The following ASTN2 variants were observed in gnomAD, a reference collection of about 807,000 sequenced individuals.
The protein encoded by ASTN2 is astrotactin 2.
In ASTN2, 54 loss-of-function variants were observed where a neutral mutation model predicts 139.8. The ratio of observed to expected loss-of-function variants is 0.39; its 90% CI spans 0.31 to 0.48. ASTN2 has a LOEUF of 0.48. Ranked by LOEUF, ASTN2 falls within the 20% of genes least tolerant of loss-of-function variation. ASTN2 has a pLI of 0.95. For missense variants in ASTN2, 1,565 were observed against 1,725.1 expected, an observed-to-expected ratio of 0.91 and a Z score of 1.64; for synonymous variants, 756 against 719.5, an observed-to-expected ratio of 1.05 and a Z score of -0.81.
intron 2 of ASTN2, among the ~76,000 whole-genome samples, chr9:117,271,772 T>C (rs1834071264): frequency 6.6e-6 from 1 of 152,228 alleles, no homozygotes; most frequent in Non-Finnish European, 1.5e-5. Context: ...CTCTTTTGAC[T>C]CCAGATCTCA....
intron 10 of ASTN2, among the ~76,000 whole-genome samples, chr9:116,942,667 C>T (rs779047764): frequency 1.5e-4 from 23 of 152,216 alleles, no homozygotes; most frequent in Non-Finnish European, 2.8e-4. Context: ...GAGGGCTTCC[C>T]TGAGCAGGTG....
chr9:116,686,554 G>T, intron 16 of ASTN2: 1 of 812,530 alleles, frequency 1.2e-6, no homozygotes. Context: ...GTCGTGGCCA[G>T]CCAGTCCTGT....
At chr9:116,491,572 T>C (rs1331821146) in intron 19 of ASTN2, among the ~76,000 whole-genome samples, 1 of 152,208 alleles carries the variant, frequency 6.6e-6, no homozygotes, top group Non-Finnish European at 1.5e-5. Flanking sequence ...GGAAGGGTTG[T>C]TAAATACAAG....
At chr9:117,091,412 A>G (rs1429746800) in intron 5 of ASTN2, among the ~76,000 whole-genome samples, 1 of 152,182 alleles carries the variant, frequency 6.6e-6, no homozygotes, top group African/African-American at 2.4e-5. Flanking sequence ...GGACACAAAT[A>G]GTACTCAGGG....
intron 22 of ASTN2, among the ~76,000 whole-genome samples, chr9:116,427,552 C>T (rs1263865560): frequency 6.6e-6 from 1 of 152,238 alleles, no homozygotes; most frequent in Non-Finnish European, 1.5e-5. Context: ...ATGAGAGGTT[C>T]TCTCTCCTGC....
chr9:117,411,217 G>T (rs1472616897), intron 1 of ASTN2, among the ~76,000 whole-genome samples: 1 of 152,098 alleles, frequency 6.6e-6, no homozygotes, highest in Non-Finnish European at 1.5e-5. Context: ...ATACAAGGCA[G>T]GAAGAAAGCT....
intron 10 of ASTN2, among the ~76,000 whole-genome samples, chr9:116,942,076 ACG>A (rs1835251657): frequency 1.9e-5 from 1 of 52,116 alleles, no homozygotes; most frequent in Non-Finnish European, 6.8e-5. Flanking sequence ...ATGCAAGTGC[ACG>A]TACGCACGCA....
intron 19 of ASTN2, among the ~76,000 whole-genome samples, chr9:116,548,475 T>C (rs1852200769): frequency 6.6e-6 from 1 of 152,012 alleles, no homozygotes; most frequent in Non-Finnish European, 1.5e-5. Flanking sequence ...TTTGTTGTTG[T>C]TGTTTTGATT....
chr9:117,044,826 G>A (rs1023588317), intron 5 of ASTN2, among the ~76,000 whole-genome samples: 1 of 152,214 alleles, frequency 6.6e-6, no homozygotes, highest in African/African-American at 2.4e-5. Flanking sequence ...AACAGCGAAA[G>A]CCCTTGAAGC....
At chr9:116,960,464 C>A (rs962376447) in intron 10 of ASTN2, among the ~76,000 whole-genome samples, 3 of 82,848 alleles carry the variant, frequency 3.6e-5, no homozygotes, top group Non-Finnish European at 7.1e-5. Flanking sequence ...ATCATACCTT[C>A]TAGGCCTGAT....
intron 1 of ASTN2, among the ~76,000 whole-genome samples, chr9:117,344,204 A>G (rs958315993): frequency 6.6e-6 from 1 of 152,092 alleles, no homozygotes; most frequent in South Asian, 2.1e-4. Flanking sequence ...ACCCATCCCC[A>G]AAAGCAGCAT....
chr9:117,084,954 T>C (rs949180806), intron 5 of ASTN2, among the ~76,000 whole-genome samples: 1 of 152,226 alleles, frequency 6.6e-6, no homozygotes, highest in African/African-American at 2.4e-5. Flanking sequence ...TACCCAGCCC[T>C]GACAGCTCTT....
chr9:116,436,598 G>A (rs1468815658), intron 22 of ASTN2, among the ~76,000 whole-genome samples: 1 of 152,174 alleles, frequency 6.6e-6, no homozygotes, highest in Non-Finnish European at 1.5e-5. Context: ...AGTAAGTGCA[G>A]GAAAGATAGT....
intron 10 of ASTN2, among the ~76,000 whole-genome samples, chr9:116,870,655 C>G (rs1315648781): frequency 6.6e-6 from 1 of 152,186 alleles, no homozygotes; most frequent in East Asian, 1.9e-4. Flanking sequence ...CTGGGTGAGA[C>G]AGCCATCCCC....
intron 7 of ASTN2, among the ~76,000 whole-genome samples, chr9:116,986,014 T>C (rs1434086174): frequency 2.0e-5 from 3 of 152,202 alleles, no homozygotes; most frequent in Non-Finnish European, 4.4e-5. Context: ...TTAAACCCAA[T>C]TTTTAAAATT....
intron 13 of ASTN2, among the ~76,000 whole-genome samples, chr9:116,765,997 T>C (rs1302609357): frequency 6.6e-6 from 1 of 152,162 alleles, no homozygotes; most frequent in Non-Finnish European, 1.5e-5. Context: ...CTTTCAATAC[T>C]GAGTGAAAAG....
intron 11 of ASTN2, among the ~76,000 whole-genome samples, chr9:116,860,809 T>C (rs1169581977): frequency 3.3e-5 from 5 of 152,224 alleles, no homozygotes; most frequent in Non-Finnish European, 7.3e-5. Flanking sequence ...GATGAGCTCT[T>C]AGCTTGTAGA....
chr9:116,697,267 G>A (rs1043910233), intron 16 of ASTN2: 3 of 165,636 alleles, frequency 1.8e-5, no homozygotes, highest in Non-Finnish European at 4.0e-5. Flanking sequence ...TTTATTACAA[G>A]TATACTACTT....
chr9:116,673,537 A>G (rs1367964005), intron 16 of ASTN2, among the ~76,000 whole-genome samples: 3 of 152,186 alleles, frequency 2.0e-5, no homozygotes, highest in Admixed American at 6.5e-5. Flanking sequence ...TTTTAGTTGT[A>G]ACTGGTTAAG....
Sources: allele counts gnomAD v4.1 joint callset (sites outside exome capture counted in the v4.1 genomes callset), GRCh38; gene constraint gnomAD v4.1.1; transcripts MANE v1.5; gene names NCBI Gene and HGNC (gene_info 2026-07-23, HGNC 2026-07-21).